The following NLRP5 variants were observed in gnomAD, a reference collection of about 807,000 sequenced individuals.
NLRP5 encodes NACHT, LRR and PYD domains-containing protein 5.
NLRP5 carries 93 observed loss-of-function variants against 113.1 expected under a neutral mutation model. That is an observed-to-expected ratio of 0.82 (90% CI 0.70 to 0.98). NLRP5 has a LOEUF of 0.98. NLRP5 is among the 50% of genes least tolerant of loss of function. The pLI is 0.00. For missense variants in NLRP5, 1,808 were observed against 1,514.3 expected (o/e 1.19, Z -3.22); for synonymous variants, 751 against 600.7 (o/e 1.25, Z -3.66).
intron 10 of NLRP5, among the ~76,000 whole-genome samples, chr19:56,039,865 G>A (rs1983454769): frequency 6.6e-6 from 1 of 152,116 alleles, no homozygotes; most frequent in Non-Finnish European, 1.5e-5. Flanking sequence ...GGTGAGCCAA[G>A]GTCACGCCAT....
At chr19:56,009,671 A>G (rs924348497) in intron 3 of NLRP5, among the ~76,000 whole-genome samples, 1 of 152,186 alleles carries the variant, frequency 6.6e-6, no homozygotes, top group African/African-American at 2.4e-5. Flanking sequence ...AAGGCAAAAC[A>G]CACAGGGAGA....
chr19:56,048,830 C>CT (rs199527012), intron 11 of NLRP5, among the ~76,000 whole-genome samples: 2,508 of 151,792 alleles, frequency 0.017, 74 homozygotes, highest in African/African-American at 0.058. Flanking sequence ...CTTTAGAATT[C>CT]TTTTTTCTCA....
chr19:55,987,999 C>A, the NLRP5 span: 2 of 986,282 alleles, frequency 2.0e-6, no homozygotes, highest in Non-Finnish European at 3.2e-6. Flanking sequence ...ATCCTGTATG[C>A]ATTAACGTAC....
At chr19:56,037,881 A>G in intron 9 of NLRP5, 144 bp from the exon 10 acceptor site, 1 of 749,714 alleles carries the variant, frequency 1.3e-6, no homozygotes, top group Non-Finnish European at 2.2e-6. Flanking sequence ...TGGAAGGAAC[A>G]GCAACTTCTC....
At chr19:56,006,371 A>G (rs933753436) in intron 2 of NLRP5, among the ~76,000 whole-genome samples, 2 of 152,152 alleles carry the variant, frequency 1.3e-5, no homozygotes, top group Middle Eastern at 3.2e-3. Context: ...ACATGTATAC[A>G]TATGTAACAA....
intron 6 of NLRP5, among the ~76,000 whole-genome samples, chr19:56,024,496 C>CATATGT (rs775993481): frequency 1.4e-5 from 2 of 139,136 alleles, no homozygotes; most frequent in Non-Finnish European, 3.1e-5. Context: ...TGCGTATATA[C>CATATGT]ATATGTATAT....
intron 3 of NLRP5, among the ~76,000 whole-genome samples, chr19:56,009,842 G>A (rs1982113525): frequency 6.6e-6 from 1 of 152,128 alleles, no homozygotes; most frequent in Admixed American, 6.6e-5. Context: ...CTGTGGGTGG[G>A]GAAAGAGCTC....
At chr19:56,009,676 G>A (rs531609000) in intron 3 of NLRP5, among the ~76,000 whole-genome samples, 35 of 152,276 alleles carry the variant, frequency 2.3e-4, no homozygotes, top group Non-Finnish European at 4.6e-4. Context: ...AAAACACACA[G>A]GGAGAAAGGC....
intron 12 of NLRP5, 105 bp from the exon 13 acceptor site, chr19:56,053,533 G>A (rs192451723): frequency 2.8e-5 from 29 of 1,023,514 alleles, no homozygotes; most frequent in Admixed American, 9.8e-5. Context: ...ACAGTGGCCC[G>A]TCAGGAAGGA....
At position 56,018,333 on chromosome 19, in the gene NLRP5, G is replaced by A. The variant is rs543947248; in HGVS notation, c.566-1009G>A. Among the ~76,000 whole-genome samples the A allele has an allele frequency of 2.6e-5, 4 of 152,194 alleles. No individual in the cohort carries two copies. The South Asian group carries it at 6.2e-4, about 24-fold the overall frequency. ...AATCTATTCTCATATATCCTAAGAC[G>A]AATTTGTATTTAGCCTCACATGGTA... On this transcript the variant is annotated intron_variant, in intron 4 of 14. Transcript: ENST00000390649.
rs934200414 is a variant in NLRP5, at chr19:56,006,693, C to T, written c.443-2095C>T. ...GTTGCAGTGAGTCAAGATCGCGCCA[C>T]TGCACTCCAGCCTGGGTGACAGAGC... On this transcript the variant is annotated intron_variant, in intron 2 of 14. Coordinates refer to ENST00000390649, the MANE Select transcript of NLRP5 (RefSeq NM_153447.4). 1.1e-4 allele frequency among the ~76,000 whole-genome samples: 16 copies of T among 151,972 alleles called. 1 individual carries two copies. Among genetic ancestry groups the T allele is most frequent in the African/African-American group, 3.6e-4 (15 of 41,504 alleles).
chr19:56,028,065 A>G lies in NLRP5; in HGVS notation c.1832A>G (p.Tyr611Cys). 6.2e-7 allele frequency: 1 copy of G among 1,613,978 alleles called. No individual in the cohort carries two copies. The change falls in exon 7 of 15, where the codon TAC (tyrosine) becomes TGC (cysteine). Residue 611 changes from tyrosine to cysteine, a missense_variant. By Grantham distance (194) the Tyr-to-Cys change is radical. Transcript: ENST00000390649. ...ATCGAGCCAGCTCTCTGCCCTCTGTACGTTGAGAAGACAAAGAGGTCCATG... is the reference window on the plus strand; with the variant it reads ...ATCGAGCCAGCTCTCTGCCCTCTGTGCGTTGAGAAGACAAAGAGGTCCATG...
intron 11 of NLRP5, among the ~76,000 whole-genome samples, chr19:56,042,809 C>G (rs1162453473): frequency 6.6e-6 from 1 of 152,196 alleles, no homozygotes; most frequent in African/African-American, 2.4e-5. Context: ...CCTTTGTGTC[C>G]TCATAGCTTA....
chr19:56,009,318 C>A (rs952612927), intron 3 of NLRP5, among the ~76,000 whole-genome samples: 2 of 109,364 alleles, frequency 1.8e-5, no homozygotes, highest in Non-Finnish European at 3.4e-5. Context: ...CCAGCCTGGG[C>A]GACAGAACGA....
In NLRP5 at chr19:56,027,163, G is replaced by A. The variant is rs1415732927; in HGVS notation, c.930G>A (p.Gln310=). ...GCTGGGCGCAAGGTGGACTCTACCA[G>A]GGAATGTTCTCCTACGTCTTCTTCC... Residue 310 remains glutamine, a synonymous_variant, in exon 7 of 15, where the codon CAG becomes CAA. Transcript: ENST00000390649. The A allele has an allele frequency of 6.2e-7, 1 of 1,605,238 alleles. No individual in the cohort carries two copies. The highest frequency in any genetic ancestry group is 2.2e-5 in the East Asian group (1 of 44,502).
At position 56,041,793 on chromosome 19, in the gene NLRP5, C is replaced by A. The variant is rs540422460; in HGVS notation, c.2957+701C>A. Among the ~76,000 whole-genome samples, 3 of 152,014 alleles carry A rather than the reference C, an allele frequency of 2.0e-5. No homozygotes were observed. In the East Asian group the frequency reaches 5.8e-4, roughly 29 times the overall value. ...TGAAATCCCATCTCTACTAAAAATACAAAAAATTAGCCGGGTGTGGTGGCG... is the reference window on the plus strand; with the variant it reads ...TGAAATCCCATCTCTACTAAAAATAAAAAAAATTAGCCGGGTGTGGTGGCG... On this transcript the variant is annotated intron_variant, in intron 11 of 14. Coordinates refer to ENST00000390649, the MANE Select transcript of NLRP5 (RefSeq NM_153447.4).
chr19:56,044,067 CTT>C (rs35674471), intron 11 of NLRP5, among the ~76,000 whole-genome samples: 14 of 139,832 alleles, frequency 1.0e-4, no homozygotes, highest in Admixed American at 2.1e-4. Flanking sequence ...AGTCTTAGGT[CTT>C]TTTTTTTTTT....
intron 4 of NLRP5, among the ~76,000 whole-genome samples, chr19:56,016,869 C>G (rs546224845): frequency 6.6e-6 from 1 of 152,036 alleles, no homozygotes; most frequent in South Asian, 2.1e-4. Context: ...GGTGCAGTGG[C>G]GCGATCTCAG....
At chr19:56,048,638 A>C (rs306432) in intron 11 of NLRP5, among the ~76,000 whole-genome samples, 98,072 of 151,812 alleles carry the variant, frequency 0.65, 32,255 homozygotes, top group Non-Finnish European at 0.7. Flanking sequence ...TCTGTCTCAC[A>C]GTTCTTAAGA....
Sources: allele counts gnomAD v4.1 joint callset (sites outside exome capture counted in the v4.1 genomes callset), GRCh38; gene constraint gnomAD v4.1.1; transcripts MANE v1.5; gene names NCBI Gene and HGNC (gene_info 2026-07-23, HGNC 2026-07-21).